PCDHGB1: variants seen among roughly 807,000 people sequenced by gnomAD.
The protein encoded by PCDHGB1 is protocadherin gamma subfamily B, 1.
In PCDHGB1, 34 loss-of-function variants were observed where a neutral mutation model predicts 56.6. The ratio of observed to expected loss-of-function variants is 0.60; its 90% CI spans 0.46 to 0.80. The LOEUF (loss-of-function observed/expected upper bound fraction) is 0.80, where lower values mean the gene tolerates loss of function less well. PCDHGB1 is among the 30% of genes least tolerant of loss of function. PCDHGB1 has a pLI of 0.00. For missense variants in PCDHGB1, 1,278 were observed against 1,204.6 expected (o/e 1.06, Z -0.90); for synonymous variants, 561 against 505.9 (o/e 1.11, Z -1.46).
intron 1 of PCDHGB1, chr5:141,394,165 C>G (rs1228690548): frequency 6.2e-7 from 1 of 1,613,930 alleles, no homozygotes; most frequent in African/African-American, 1.3e-5. Flanking sequence ...AACCCTCCTA[C>G]TTTCCCTCAT....
intron 1 of PCDHGB1, among the ~76,000 whole-genome samples, chr5:141,488,541 T>C (rs2099676694): frequency 6.6e-6 from 1 of 152,184 alleles, no homozygotes; most frequent in South Asian, 2.1e-4. Flanking sequence ...CTAAGTCCCA[T>C]GTCAGCTGAC....
intron 1 of PCDHGB1, among the ~76,000 whole-genome samples, chr5:141,468,798 G>A (rs895012127): frequency 7.9e-5 from 12 of 151,646 alleles, no homozygotes; most frequent in East Asian, 2.0e-4. Context: ...CCCGGGAGGC[G>A]GAACTTGCAG....
At chr5:141,446,035 A>G (rs1300621298) in intron 1 of PCDHGB1, among the ~76,000 whole-genome samples, 1 of 152,222 alleles carries the variant, frequency 6.6e-6, no homozygotes, top group Non-Finnish European at 1.5e-5. Context: ...CTGGTAAGAA[A>G]TGGAAGAAGA....
chr5:141,394,561 A>ACCTGCGGAGCTACCT, intron 1 of PCDHGB1: 2 of 1,613,954 alleles, frequency 1.2e-6, no homozygotes, highest in Non-Finnish European at 1.7e-6. Context: ...CGCTCCGCAG[A>ACCTGCGGAGCTACCT]GCGTGGCTAC....
At chr5:141,475,819 G>A (rs1232669115) in intron 1 of PCDHGB1, 4 of 350,114 alleles carry the variant, frequency 1.1e-5, no homozygotes, top group Non-Finnish European at 1.6e-5. Context: ...GAAGTTCCTG[G>A]CGCTAGCGCG....
chr5:141,373,336 T>C (rs1769491453), intron 1 of PCDHGB1, among the ~76,000 whole-genome samples: 1 of 152,216 alleles, frequency 6.6e-6, no homozygotes, highest in South Asian at 2.1e-4. Flanking sequence ...GCATCTAAAA[T>C]GGCAACTCTT....
chr5:141,471,058 T>C (rs991869999), intron 1 of PCDHGB1, among the ~76,000 whole-genome samples: 2 of 149,826 alleles, frequency 1.3e-5, no homozygotes, highest in Non-Finnish European at 3.0e-5. Context: ...TTTTTTTTTT[T>C]TTTTTTTTGA....
intron 1 of PCDHGB1, chr5:141,403,572 C>T (rs749341214): frequency 1.9e-6 from 3 of 1,613,946 alleles, no homozygotes; most frequent in Non-Finnish European, 8.5e-7. Flanking sequence ...GAGGCAACTG[C>T]CCACCACCTG....
chr5:141,426,960 A>G, intron 1 of PCDHGB1: 1 of 456,776 alleles, frequency 2.2e-6, no homozygotes, highest in South Asian at 1.5e-5. Context: ...CACTGCTGCA[A>G]TTCAAATTGA....
chr5:141,457,632 G>T (rs919693977), intron 1 of PCDHGB1, among the ~76,000 whole-genome samples: 1 of 152,142 alleles, frequency 6.6e-6, no homozygotes, highest in Non-Finnish European at 1.5e-5. Context: ...CTTATACTTG[G>T]CCTGATTATT....
rs748971088 is a variant in PCDHGB1 at position 141,352,585 on chromosome 5, T to C, written c.2325T>C (p.Asp775=). The C allele has an allele frequency of 1.2e-6, 2 of 1,613,952 alleles. No homozygotes were observed. Among genetic ancestry groups the C allele is most frequent in the Admixed American group, 3.3e-5 (2 of 60,026 alleles). Residue 775 remains aspartate, a synonymous_variant, in exon 1 of 4, where the codon GAT becomes GAC. Coordinates refer to ENST00000523390, the MANE Select transcript of PCDHGB1 (RefSeq NM_018922.3). ...NLTPEMAPPQ[D]LLCDDPSMVV... ...CACCGGAAATGGCTCCCCCTCAGGATCTGCTGTGTGATGATCCTTCTATGG... is the reference window on the plus strand; with the variant it reads ...CACCGGAAATGGCTCCCCCTCAGGACCTGCTGTGTGATGATCCTTCTATGG...
intron 1 of PCDHGB1, chr5:141,398,027 T>G: frequency 6.9e-7 from 1 of 1,449,556 alleles, no homozygotes; most frequent in Non-Finnish European, 9.2e-7. Context: ...AAACTGGAAC[T>G]GGAACTAAAG....
At chr5:141,405,407 C>A (rs1252757330) in intron 1 of PCDHGB1, 3 of 1,582,052 alleles carry the variant, frequency 1.9e-6, no homozygotes, top group Non-Finnish European at 2.6e-6. Flanking sequence ...TCTTTCTTTT[C>A]TTTTTTTGTT....
At chr5:141,396,015 T>C (rs1243437259) in intron 1 of PCDHGB1, 1 of 152,252 alleles carries the variant, frequency 6.6e-6, no homozygotes, top group South Asian at 2.1e-4. Context: ...AAAGTGACTT[T>C]TGTAAAATAT....
rs1415621297 is a variant in PCDHGB1, at chr5:141,351,132, A to G, written c.872A>G (p.Asn291Ser). The change falls in exon 1 of 4, where the codon AAT (asparagine) becomes AGT (serine). Residue 291 changes from asparagine to serine, a missense_variant. Asn to Ser is a conservative substitution (Grantham distance 46, BLOSUM62 1). Coordinates refer to ENST00000523390, the MANE Select transcript of PCDHGB1 (RefSeq NM_018922.3). ...SPISTSLFNL[N>S]PNTGDITTNG... ...ATAAGTACCAGCCTCTTCAATCTCAATCCAAATACTGGCGACATCACAACC... is the reference window on the plus strand; with the variant it reads ...ATAAGTACCAGCCTCTTCAATCTCAGTCCAAATACTGGCGACATCACAACC... 2 of 1,614,032 alleles carry G rather than the reference A, an allele frequency of 1.2e-6. No individual in the cohort carries two copies. Among genetic ancestry groups the G allele is most frequent in the South Asian group, 1.1e-5 (1 of 91,090 alleles).
At chr5:141,407,963 G>T (rs2095010709) in intron 1 of PCDHGB1, 1 of 681,746 alleles carries the variant, frequency 1.5e-6, no homozygotes, top group Admixed American at 3.5e-5. Context: ...TGCAGAGCAA[G>T]CGCTGACGCC....
At chr5:141,376,676 G>GTTTTGTT in intron 1 of PCDHGB1, 5 of 306,022 alleles carry the variant, frequency 1.6e-5, no homozygotes, top group Non-Finnish European at 1.1e-5. Flanking sequence ...TGAGGGTATC[G>GTTTTGTT]TTTTTTTTTT....
Position 141,477,209 on chromosome 5 carries a change from GC to G in PCDHGB1, c.2410-17594del. On this transcript the variant is annotated intron_variant, in intron 1 of 3. Transcript: ENST00000523390. The surrounding 1 kb of genome is among the most constrained non-coding windows in gnomAD (Gnocchi z 4.9). Reference sequence around the variant, plus strand: ...CGTGTACAGCCCAGTACCCGAGGATGCCCCTCTGGGGACTGTCATCGCTTTG... The same window carrying G: ...CGTGTACAGCCCAGTACCCGAGGATGCCCTCTGGGGACTGTCATCGCTTTG... The G allele has an allele frequency of 6.2e-7, 1 of 1,614,194 alleles. No homozygotes were observed. Among genetic ancestry groups the G allele is most frequent in the Non-Finnish European group, 8.5e-7 (1 of 1,180,038 alleles).
rs751908443 is a variant in PCDHGB1 at position 141,361,870 on chromosome 5, C to T, written c.2409+9201C>T. 4.3e-6 allele frequency: 7 copies of T among 1,611,302 alleles called. No homozygotes were observed. The Admixed American group carries it at 5.0e-5, about 12-fold the overall frequency. On this transcript the variant is annotated intron_variant, in intron 1 of 3. Transcript: ENST00000523390. The stretch of plus-strand genomic sequence containing the variant: ...TGGCTCCGCCCTCTTCGATATGGTG[C>T]CACGCGCCGCAGAGCCCGGCTACCT...
Sources: gnomAD v4.1 joint callset for allele counts (sites outside exome capture counted in the v4.1 genomes callset) on GRCh38, gnomAD v4.1.1 for gene constraint, Gnocchi (gnomAD v3.1) non-coding constraint, MANE v1.5 for transcripts, NCBI Gene and HGNC (gene_info 2026-07-23, HGNC 2026-07-21) for gene names.